The following SLC4A7 variants were observed in gnomAD, a reference collection of about 807,000 sequenced individuals.
SLC4A7 encodes solute carrier family 4 member 7, also known as sodium bicarbonate cotransporter 3.
In SLC4A7, 51 loss-of-function variants were observed where a neutral mutation model predicts 137.6. The observed-to-expected ratio is 0.37, with a 90% CI of 0.30 to 0.47. SLC4A7 has a LOEUF of 0.47. SLC4A7 is among the 20% of genes least tolerant of loss of function. The pLI is 1.00. For synonymous variants in SLC4A7, 542 were observed against 518.6 expected, an observed-to-expected ratio of 1.05 and a Z score of -0.61; for missense variants, 1,247 against 1,525.4, an observed-to-expected ratio of 0.82 and a Z score of 3.04.
intron 12 of SLC4A7, among the ~76,000 whole-genome samples, chr3:27,410,128 A>G (rs575409058): frequency 6.6e-6 from 1 of 152,338 alleles, no homozygotes; most frequent in African/African-American, 2.4e-5. Flanking sequence ...ACTAATATGT[A>G]CATTAATAAA....
At chr3:27,424,268 T>TA in intron 7 of SLC4A7, 116 bp from the exon 8 acceptor site, 21 of 534,538 alleles carry the variant, frequency 3.9e-5, no homozygotes, top group South Asian at 9.6e-5. Context: ...TGTGCAAGGT[T>TA]AAAAAAAATA....
intron 3 of SLC4A7, among the ~76,000 whole-genome samples, chr3:27,439,974 A>G (rs752012179): frequency 6.6e-6 from 1 of 152,210 alleles, no homozygotes; most frequent in African/African-American, 2.4e-5. Flanking sequence ...CTTTGAACCT[A>G]TTTAGATAGT....
intron 1 of SLC4A7, among the ~76,000 whole-genome samples, chr3:27,465,933 G>C (rs1479109638): frequency 7.3e-6 from 1 of 136,186 alleles, no homozygotes; most frequent in East Asian, 2.2e-4. Context: ...CAGCCTGGGC[G>C]ACAGAGCAAG....
intron 13 of SLC4A7, among the ~76,000 whole-genome samples, chr3:27,405,512 A>G (rs1576252352): frequency 6.6e-6 from 1 of 152,186 alleles, no homozygotes; most frequent in East Asian, 1.9e-4. Flanking sequence ...ACAGAAGGAT[A>G]TGTATTATTT....
intron 3 of SLC4A7, among the ~76,000 whole-genome samples, chr3:27,446,345 C>A (rs1217467604): frequency 6.6e-6 from 1 of 152,076 alleles, no homozygotes; most frequent in African/African-American, 2.4e-5. Context: ...AACGAAGAGA[C>A]TTCATTTTTA....
At chr3:27,407,108 A>AG (rs2053441344) in intron 13 of SLC4A7, among the ~76,000 whole-genome samples, 1 of 70,252 alleles carries the variant, frequency 1.4e-5, no homozygotes, top group African/African-American at 4.1e-5. Context: ...CCATATGAAG[A>AG]CCTTTTTTTT....
chr3:27,479,442 G>A (rs2059620072), intron 1 of SLC4A7, among the ~76,000 whole-genome samples: 1 of 151,416 alleles, frequency 6.6e-6, no homozygotes, highest in Non-Finnish European at 1.5e-5. Context: ...AAAGGTATTA[G>A]GCCACTCTCT....
intron 1 of SLC4A7, among the ~76,000 whole-genome samples, chr3:27,463,572 G>A (rs1299088036): frequency 6.6e-6 from 1 of 152,174 alleles, no homozygotes; most frequent in African/African-American, 2.4e-5. Context: ...GCCCAATGCG[G>A]TGGCTAATGT....
chr3:27,482,874 ACTGT>A (rs1327745889), intron 1 of SLC4A7, among the ~76,000 whole-genome samples: 1 of 152,206 alleles, frequency 6.6e-6, no homozygotes, highest in Non-Finnish European at 1.5e-5. Context: ...AAATGACTTC[ACTGT>A]CTGGTGACTG....
intron 1 of SLC4A7, among the ~76,000 whole-genome samples, chr3:27,466,793 G>A (rs996487251): frequency 3.3e-5 from 5 of 151,848 alleles, no homozygotes; most frequent in African/African-American, 1.2e-4. Context: ...GGAGGCAGCA[G>A]TTTCAGAGAG....
intron 11 of SLC4A7, among the ~76,000 whole-genome samples, chr3:27,412,844 A>C (rs1167234029): frequency 6.6e-6 from 1 of 152,282 alleles, no homozygotes; most frequent in Non-Finnish European, 1.5e-5. Flanking sequence ...AAGCACATTC[A>C]AGAAAATTAA....
At position 27,437,428 on chromosome 3, in the gene SLC4A7, A is replaced by G. The variant is rs529422304; in HGVS notation, c.388T>C (p.Tyr130His). Reference protein sequence around the residue: ...DLFTEMDELCYRDGEEYEWKE... With the variant: ...DLFTEMDELCHRDGEEYEWKE... Reference sequence around the variant, plus strand: ...CATTCATATTCTTCTCCATCTCTGTAACACAGTTCATCCATTTCCGTGAAG... The same window carrying G: ...CATTCATATTCTTCTCCATCTCTGTGACACAGTTCATCCATTTCCGTGAAG... The change falls in exon 4 of 26, where the codon TAC becomes CAC. Residue 130 changes from tyrosine to histidine, a missense_variant. Physicochemically the swap from Tyr to His is moderately conservative, Grantham distance 83. Coordinates refer to ENST00000454389, the MANE Select transcript of SLC4A7 (RefSeq NM_001321103.2). The G allele has an allele frequency of 1.9e-5, 30 of 1,603,452 alleles. No individual in the cohort carries two copies. The Admixed American group carries it at 3.9e-4, about 21-fold the overall frequency.
At chr3:27,379,642 C>T (rs1282775590) in intron 24 of SLC4A7, among the ~76,000 whole-genome samples, 1 of 152,036 alleles carries the variant, frequency 6.6e-6, no homozygotes, top group African/African-American at 2.4e-5. Flanking sequence ...CAATGATGCC[C>T]TCTGATCACC....
chr3:27,379,666 T>C (rs1057037233), intron 24 of SLC4A7, among the ~76,000 whole-genome samples: 4 of 152,188 alleles, frequency 2.6e-5, no homozygotes, highest in Admixed American at 6.5e-5. Context: ...GCTGAAAATA[T>C]GTTACTGAAA....
intron 1 of SLC4A7, among the ~76,000 whole-genome samples, chr3:27,478,895 C>T (rs2059590328): frequency 6.7e-6 from 1 of 149,694 alleles, no homozygotes; most frequent in Non-Finnish European, 1.5e-5. Flanking sequence ...ATCCCAGCTA[C>T]TGGGGAGGCT....
intron 1 of SLC4A7, among the ~76,000 whole-genome samples, chr3:27,463,362 G>A (rs926049858): frequency 1.3e-5 from 2 of 152,102 alleles, no homozygotes; most frequent in African/African-American, 4.8e-5. Flanking sequence ...CCCGGGAGGC[G>A]GAGCTTGCAG....
At chr3:27,458,024 A>G (rs1248552778) in intron 1 of SLC4A7, among the ~76,000 whole-genome samples, 1 of 152,160 alleles carries the variant, frequency 6.6e-6, no homozygotes, top group African/African-American at 2.4e-5. Context: ...GTGTTCCATG[A>G]AAATAACAGC....
intron 1 of SLC4A7, among the ~76,000 whole-genome samples, chr3:27,470,653 A>AC (rs2059202415): frequency 3.1e-5 from 2 of 65,140 alleles, no homozygotes; most frequent in African/African-American, 8.9e-5. Context: ...AAAAAAAAAA[A>AC]AAAAAACAGC....
At position 27,437,549 on chromosome 3, in the gene SLC4A7, T is replaced by C. The variant is rs73151825; in HGVS notation, c.290-23A>G. On this transcript the variant is annotated intron_variant, in intron 3 of 25. Transcript: ENST00000454389. Reference sequence around the variant, plus strand: ...TATCTTTACAAAATAAGAATTTACATATACTCAAATTTTTCCTCAAGTCAT... The same window carrying C: ...TATCTTTACAAAATAAGAATTTACACATACTCAAATTTTTCCTCAAGTCAT... 586 of 1,475,766 alleles carry C rather than the reference T, an allele frequency of 4.0e-4. 3 individuals are homozygous for C. In the African/African-American group the frequency reaches 7.9e-3, roughly 20 times the overall value. The allele number at this position is 1,475,766 out of a possible 1,614,324, so 91.4% of individuals were successfully genotyped here.
Sources: gnomAD v4.1 joint callset for allele counts (sites outside exome capture counted in the v4.1 genomes callset) on GRCh38, gnomAD v4.1.1 for gene constraint, MANE v1.5 for transcripts, NCBI Gene and HGNC (gene_info 2026-07-23, HGNC 2026-07-21) for gene names.